CHCHD3: variants seen among roughly 807,000 people sequenced by gnomAD.
CHCHD3 encodes the protein coiled-coil-helix-coiled-coil-helix domain containing 3, also known as MICOS complex subunit MIC19.
Under a neutral mutation model 38.2 loss-of-function variants are expected in CHCHD3, and 20 were observed. The observed-to-expected ratio is 0.52, with a 90% CI of 0.37 to 0.76. The LOEUF is 0.76. Ranked by LOEUF, CHCHD3 falls within the 30% of genes least tolerant of loss-of-function variation. CHCHD3 has a pLI of 0.00. For synonymous variants in CHCHD3, 82 were observed against 100.0 expected (o/e 0.82, Z 1.07); for missense variants, 245 against 279.2 (o/e 0.88, Z 0.87).
intron 4 of CHCHD3, among the ~76,000 whole-genome samples, chr7:132,958,638 T>C (rs760483073): frequency 2.6e-5 from 4 of 152,214 alleles, no homozygotes; most frequent in Non-Finnish European, 4.4e-5. Context: ...GATTGGCACA[T>C]CTTTTCCTTA....
chr7:133,061,424 G>A (rs1444380116), intron 2 of CHCHD3, among the ~76,000 whole-genome samples: 1 of 150,482 alleles, frequency 6.6e-6, no homozygotes, highest in Non-Finnish European at 1.5e-5. Flanking sequence ...CAAGGTCTGC[G>A]AGTGACCCTT....
chr7:132,988,988 T>C (rs1562930849), intron 3 of CHCHD3, among the ~76,000 whole-genome samples: 6 of 152,164 alleles, frequency 3.9e-5, no homozygotes. Flanking sequence ...ATATACAGTA[T>C]AACAACTATT....
intron 4 of CHCHD3, among the ~76,000 whole-genome samples, chr7:132,891,855 G>A (rs1319327895): frequency 6.6e-6 from 1 of 152,178 alleles, no homozygotes; most frequent in African/African-American, 2.4e-5. Context: ...GCATTTGACG[G>A]TTCCTCCTTC....
At chr7:133,065,425 G>C (rs192951236) in intron 2 of CHCHD3, among the ~76,000 whole-genome samples, 1 of 152,218 alleles carries the variant, frequency 6.6e-6, no homozygotes, top group Middle Eastern at 3.4e-3. Context: ...TGACAAAATT[G>C]AGTTCCTATA....
At chr7:132,984,892 G>A (rs1177677998) in intron 3 of CHCHD3, among the ~76,000 whole-genome samples, 1 of 102,042 alleles carries the variant, frequency 9.8e-6, no homozygotes, top group East Asian at 3.4e-4. Flanking sequence ...CCATCCGGGA[G>A]GGAGGTGGGG....
chr7:133,021,559 C>T (rs778893805), intron 3 of CHCHD3, among the ~76,000 whole-genome samples: 1 of 152,142 alleles, frequency 6.6e-6, no homozygotes, highest in Non-Finnish European at 1.5e-5. Context: ...TTTCAGTCTT[C>T]CAACTAAATA....
intron 4 of CHCHD3, among the ~76,000 whole-genome samples, chr7:132,946,883 T>A (rs1810916369): frequency 6.6e-6 from 1 of 151,900 alleles, no homozygotes; most frequent in Non-Finnish European, 1.5e-5. Flanking sequence ...TTTCTTAATG[T>A]TCAAATCCAC....
At chr7:132,843,775 G>A (rs1471788229) in intron 5 of CHCHD3, among the ~76,000 whole-genome samples, 1 of 152,174 alleles carries the variant, frequency 6.6e-6, no homozygotes, top group Non-Finnish European at 1.5e-5. Flanking sequence ...AATGTCATCT[G>A]TTTTCTTTGG....
intron 2 of CHCHD3, among the ~76,000 whole-genome samples, chr7:133,051,367 C>T: frequency 6.6e-6 from 1 of 152,186 alleles, no homozygotes; most frequent in East Asian, 1.9e-4. Flanking sequence ...AACCAAAACA[C>T]AGCTGCTCTG....
chr7:133,071,258 T>C (rs1814811939), intron 1 of CHCHD3, among the ~76,000 whole-genome samples: 1 of 152,212 alleles, frequency 6.6e-6, no homozygotes, highest in Non-Finnish European at 1.5e-5. Flanking sequence ...CCTATCGCTA[T>C]ACTCCCAGAG....
At chr7:133,026,674 G>T (rs183516697) in intron 2 of CHCHD3, among the ~76,000 whole-genome samples, 1 of 152,084 alleles carries the variant, frequency 6.6e-6, no homozygotes, top group Non-Finnish European at 1.5e-5. Flanking sequence ...ATATCCATTC[G>T]ATATAATATT....
rs148450992 is a variant in CHCHD3, at chr7:132,882,729, C to T, written c.453+2933G>A. 4.5e-4 allele frequency among the ~76,000 whole-genome samples: 68 copies of T among 152,148 alleles called. 1 individual carries two copies. Among genetic ancestry groups the T allele is most frequent in the African/African-American group, 1.5e-3 (61 of 41,488 alleles). ...TCTTGAACCTGACAATAATTAAAGG[C>T]AAGTTTATAAGGTACCTAACATAGT... is the stretch of plus-strand genomic sequence containing the variant. On this transcript the variant is annotated intron_variant, in intron 5 of 7. Coordinates refer to ENST00000262570, the MANE Select transcript of CHCHD3 (RefSeq NM_017812.4).
At chr7:133,013,438 A>T (rs191989752) in intron 3 of CHCHD3, among the ~76,000 whole-genome samples, 6 of 152,272 alleles carry the variant, frequency 3.9e-5, no homozygotes, top group Non-Finnish European at 2.9e-5. Flanking sequence ...AACCTGCCCC[A>T]TAGGGCTGCT....
intron 2 of CHCHD3, among the ~76,000 whole-genome samples, chr7:133,052,300 C>T (rs957017884): frequency 6.6e-5 from 10 of 152,166 alleles, no homozygotes; most frequent in Non-Finnish European, 8.8e-5. Context: ...TGTGCAGGTA[C>T]TAAATCCTCC....
intron 5 of CHCHD3, among the ~76,000 whole-genome samples, chr7:132,864,669 T>A (rs1808573792): frequency 6.6e-6 from 1 of 152,108 alleles, no homozygotes; most frequent in South Asian, 2.1e-4. Flanking sequence ...ATAAGAGAAA[T>A]GTACCCCAAG....
At chr7:132,819,052 T>C (rs1453205161) in intron 6 of CHCHD3, among the ~76,000 whole-genome samples, 1 of 152,244 alleles carries the variant, frequency 6.6e-6, no homozygotes, top group East Asian at 1.9e-4. Context: ...CCTAATTTGC[T>C]GAATGCATTT....
At chr7:132,918,318 C>T (rs1349535223) in intron 4 of CHCHD3, among the ~76,000 whole-genome samples, 1 of 152,080 alleles carries the variant, frequency 6.6e-6, no homozygotes, top group Non-Finnish European at 1.5e-5. Context: ...CTTTAGATTC[C>T]CCATCAGTAA....
At chr7:132,954,779 C>T (rs1303267332) in intron 4 of CHCHD3, among the ~76,000 whole-genome samples, 1 of 152,118 alleles carries the variant, frequency 6.6e-6, no homozygotes, top group Non-Finnish European at 1.5e-5. Flanking sequence ...ATTCTGTATG[C>T]ACTCGACGTC....
At chr7:132,989,719 T>A (rs537189790) in intron 3 of CHCHD3, among the ~76,000 whole-genome samples, 1 of 152,286 alleles carries the variant, frequency 6.6e-6, no homozygotes, top group Admixed American at 6.5e-5. Flanking sequence ...CCACTCTCTC[T>A]CAGAAATTCA....
Sources: gnomAD v4.1 joint callset for allele counts (sites outside exome capture counted in the v4.1 genomes callset) on GRCh38, gnomAD v4.1.1 for gene constraint, MANE v1.5 for transcripts, NCBI Gene and HGNC (gene_info 2026-07-23, HGNC 2026-07-21) for gene names.